ZNF777: variants seen among roughly 807,000 people sequenced by gnomAD.
ZNF777 encodes zinc finger protein 777.
A neutral mutation model predicts 72.1 loss-of-function variants in ZNF777; 7 were observed. That is an observed-to-expected ratio of 0.10 (90% confidence interval 0.06 to 0.18). The LOEUF (loss-of-function observed/expected upper bound fraction) is 0.18, where lower values mean the gene tolerates loss of function less well. Among genes scored for constraint, ZNF777 ranks in the 10% least tolerant of loss-of-function variants. ZNF777 has a pLI of 1.00. For synonymous variants in ZNF777, 545 were observed against 483.5 expected (o/e 1.13, Z -1.67); for missense variants, 828 against 1,128.6 (o/e 0.73, Z 3.82).
intron 4 of ZNF777, among the ~76,000 whole-genome samples, chr7:149,443,016 A>G (rs1189682483): frequency 6.6e-6 from 1 of 152,198 alleles, no homozygotes; most frequent in East Asian, 1.9e-4. Context: ...GGATCTATTA[A>G]ATTTTTAAGT....
chr7:149,450,112 T>C (rs56004329), intron 4 of ZNF777, among the ~76,000 whole-genome samples: 5,188 of 152,262 alleles, frequency 0.034, 133 homozygotes, highest in Non-Finnish European at 0.052. Flanking sequence ...CTCTCAGCTA[T>C]GTTCACACGC....
intron 4 of ZNF777, among the ~76,000 whole-genome samples, chr7:149,443,016 A>C (rs1189682483): frequency 6.6e-6 from 1 of 152,198 alleles, no homozygotes; most frequent in Non-Finnish European, 1.5e-5. Context: ...GGATCTATTA[A>C]ATTTTTAAGT....
rs1032668742 is a variant in ZNF777 at position 149,451,936 on chromosome 7, T to C, written c.974-824A>G. On this transcript the variant is annotated intron_variant, in intron 3 of 5. Transcript: ENST00000247930. ...TGCAAAGCTATAAATAGGTAATTCA[T>C]AGAAGAAATATGAATGGCCAATAAA... Among the ~76,000 whole-genome samples the C allele has an allele frequency of 3.9e-5, 6 of 152,284 alleles. No homozygotes were observed. The East Asian group carries it at 7.7e-4, about 20-fold the overall frequency.
intron 4 of ZNF777, among the ~76,000 whole-genome samples, chr7:149,443,170 T>A (rs915010974): frequency 2.6e-5 from 4 of 152,158 alleles, no homozygotes; most frequent in Non-Finnish European, 4.4e-5. Context: ...TTAAATAAAT[T>A]ATGAAATCAA....
Position 149,436,731 on chromosome 7 carries a change from C to G in ZNF777, c.1183G>C (p.Glu395Gln). The change falls in exon 5 of 6, where the codon GAG (glutamate) becomes CAG (glutamine). Residue 395 changes from glutamate (E) to glutamine (Q), a missense_variant. Glu to Gln is a conservative substitution (Grantham distance 29). Coordinates refer to ENST00000247930, the MANE Select transcript of ZNF777 (RefSeq NM_015694.3). The surrounding 1 kb of genome is among the most constrained non-coding windows in gnomAD (Gnocchi z 5.0). ...AGCTCTGAGTCCTGGAAGCCGTGCTCTTCCACCTGTCCCATCAGGGGCTCA... is the reference window on the plus strand; with the variant it reads ...AGCTCTGAGTCCTGGAAGCCGTGCTGTTCCACCTGTCCCATCAGGGGCTCA... The part of the protein sequence containing the change: ...TPEPLMGQVE[E>Q]HGFQDSELGD... 6.2e-7 allele frequency: 1 copy of G among 1,614,194 alleles called. No individual in the cohort carries two copies. The highest frequency in any genetic ancestry group is 8.5e-7 in the Non-Finnish European group (1 of 1,180,048).
rs190981673 is a variant in ZNF777 at position 149,433,068 on chromosome 7, C to T, written c.1340-136G>A. 3.6e-5 allele frequency: 48 copies of T among 1,335,314 alleles called. No homozygotes were observed. In the East Asian group the frequency reaches 1.2e-3, roughly 33 times the overall value. The allele number at this position is 1,335,314 out of a possible 1,614,324, so 82.7% of individuals were successfully genotyped here. ...CCAAATTCCTTCTTTTGGGAAAAGT[C>T]CCCTCATTGCGTCCCCTGGTCCGCT... On this transcript the variant is annotated intron_variant, in intron 5 of 5. Transcript: ENST00000247930.
chr7:149,453,169 A>G (rs934240110), intron 3 of ZNF777, among the ~76,000 whole-genome samples: 2 of 152,232 alleles, frequency 1.3e-5, no homozygotes, highest in East Asian at 1.9e-4. Context: ...CACAGGCCAA[A>G]GTGTTCATGG....
intron 1 of ZNF777, 70 bp from the exon 2 acceptor site, chr7:149,456,107 G>C: frequency 6.7e-7 from 1 of 1,491,478 alleles, no homozygotes; most frequent in South Asian, 1.4e-5. Flanking sequence ...AAAACCCAAA[G>C]ACAAGTATAC....
In ZNF777 at chr7:149,436,596, C is replaced by T. The variant is rs763236849; in HGVS notation, c.1318G>A (p.Val440Met). 3.1e-6 allele frequency: 5 copies of T among 1,608,270 alleles called. No homozygotes were observed. Among genetic ancestry groups the T allele is most frequent in the African/African-American group, 2.7e-5 (2 of 74,830 alleles). Residue 440 changes from valine to methionine, a missense_variant, in exon 5 of 6, where the codon GTG (valine) becomes ATG (methionine). Val to Met is a conservative substitution (Grantham distance 21, BLOSUM62 1). Around this residue, in one of 12 missense-constraint regions of ZNF777, gnomAD observed 219 missense variants for 223.0 expected, o/e 0.98. Coordinates refer to ENST00000247930, the MANE Select transcript of ZNF777 (RefSeq NM_015694.3). The surrounding 1 kb of genome is among the most constrained non-coding windows in gnomAD (Gnocchi z 5.0). ...TCACCCGTGCAGTTCCTCTGCTGCA[C>T]CAGCATCTGCTTCAGTTCGCTGAAC... is the stretch of plus-strand genomic sequence containing the variant. ...SEFSELKQML[V>M]QQRNCTEGIV...
intron 5 of ZNF777, among the ~76,000 whole-genome samples, chr7:149,435,921 T>C (rs1331391326): frequency 6.6e-6 from 1 of 152,176 alleles, no homozygotes; most frequent in Non-Finnish European, 1.5e-5. Context: ...CTAAGTCCAA[T>C]AGTGAATTCA....
At chr7:149,438,407 G>A (rs1015870994) in intron 4 of ZNF777, among the ~76,000 whole-genome samples, 4 of 152,180 alleles carry the variant, frequency 2.6e-5, no homozygotes, top group South Asian at 2.1e-4. Flanking sequence ...GAACATTCAC[G>A]TTTTGTTCCC....
chr7:149,451,753 A>T (rs1202641407), intron 3 of ZNF777, among the ~76,000 whole-genome samples: 1 of 152,214 alleles, frequency 6.6e-6, no homozygotes, highest in Non-Finnish European at 1.5e-5. Flanking sequence ...AAATATCGAT[A>T]GATTTTCTTA....
At chr7:149,459,853 C>T in intron 1 of ZNF777, 2 of 984,622 alleles carry the variant, frequency 2.0e-6, no homozygotes, top group Non-Finnish European at 2.4e-6. Flanking sequence ...GCGAGCGCGC[C>T]TCCGGGCGCC....
chr7:149,456,501 G>A (rs931180904), intron 1 of ZNF777, among the ~76,000 whole-genome samples: 5 of 152,150 alleles, frequency 3.3e-5, no homozygotes, highest in African/African-American at 1.2e-4. Context: ...TTGAAGCACT[G>A]AACATAAAAC....
chr7:149,450,046 CCAAA>C (rs1194276655), intron 4 of ZNF777, among the ~76,000 whole-genome samples: 4 of 152,118 alleles, frequency 2.6e-5, no homozygotes, highest in African/African-American at 7.2e-5. Context: ...GCTGTTGGCC[CCAAA>C]CAGAGTTCTC....
intron 4 of ZNF777, among the ~76,000 whole-genome samples, chr7:149,444,857 C>T (rs765966951): frequency 5.2e-4 from 79 of 152,188 alleles, no homozygotes; most frequent in Non-Finnish European, 9.9e-4. Flanking sequence ...AAGTGTAGGT[C>T]TATTTTCTTC....
chr7:149,444,979 T>C (rs1467078985), intron 4 of ZNF777, among the ~76,000 whole-genome samples: 1 of 152,196 alleles, frequency 6.6e-6, no homozygotes, highest in East Asian at 1.9e-4. Context: ...CTACTCTTTT[T>C]CTGGATATTC....
intron 2 of ZNF777, among the ~76,000 whole-genome samples, chr7:149,454,773 A>AT (rs1799788746): frequency 1.3e-5 from 2 of 152,266 alleles, no homozygotes; most frequent in Non-Finnish European, 2.9e-5. Context: ...AACATGGCTT[A>AT]TAAGTGAACT....
At chr7:149,456,066 A>G in intron 1 of ZNF777, 29 bp from the exon 2 acceptor site, 1 of 1,519,202 alleles carries the variant, frequency 6.6e-7, no homozygotes, top group Non-Finnish European at 8.8e-7. Context: ...GGAAAAGAGG[A>G]TTAAAGGCCA....
Sources: allele counts gnomAD v4.1 joint callset (sites outside exome capture counted in the v4.1 genomes callset), GRCh38; gene constraint gnomAD v4.1.1; regional missense constraint gnomAD v4.1.1; non-coding constraint Gnocchi (gnomAD v3.1); transcripts MANE v1.5; gene names NCBI Gene and HGNC (gene_info 2026-07-23, HGNC 2026-07-21).